PATJ: variants seen among roughly 807,000 people sequenced by gnomAD.
PATJ encodes inaD-like protein.
Under a neutral mutation model 224.9 loss-of-function variants are expected in PATJ, and 190 were observed. The ratio of observed to expected loss-of-function variants is 0.84; its 90% CI spans 0.75 to 0.95. The LOEUF (loss-of-function observed/expected upper bound fraction) is 0.95, where lower values mean the gene tolerates loss of function less well. PATJ is among the 40% of genes least tolerant of loss of function. The pLI, the probability that PATJ is intolerant of heterozygous loss-of-function variation, is 0.00. For missense variants in PATJ, 2,121 were observed against 2,270.3 expected (o/e 0.93, Z 1.34); for synonymous variants, 769 against 820.3 (o/e 0.94, Z 1.07).
Position 61,981,116 on chromosome 1 carries a change from CAG to C in PATJ, c.3671-9048_3671-9047del, listed in dbSNP as rs1000891545. Among the ~76,000 whole-genome samples the C allele has an allele frequency of 2.6e-5, 4 of 151,970 alleles. 1 individual carries two copies. The highest frequency in any genetic ancestry group is 4.8e-5 in the African/African-American group (2 of 41,250). ...TAATCCCGAAGCCTGACTGTGGAGA[CAG>C]AGATAGTGTCCATGTTAGATTAGTC... is the stretch of plus-strand genomic sequence containing the variant. On this transcript the variant is annotated intron_variant, in intron 27 of 43. Transcript: ENST00000642238.
At chr1:62,154,214 TTCAC>T (rs1668924852) in intron 43 of PATJ, among the ~76,000 whole-genome samples, 1 of 152,128 alleles carries the variant, frequency 6.6e-6, no homozygotes, top group African/African-American at 2.4e-5. Context: ...TATTTTTAAC[TTCAC>T]TGATTTTTTT....
At chr1:61,903,731 G>T (rs1386241780) in intron 24 of PATJ, among the ~76,000 whole-genome samples, 3 of 150,654 alleles carry the variant, frequency 2.0e-5, no homozygotes, top group Admixed American at 1.3e-4. Flanking sequence ...TATTAATATT[G>T]GTAACCTTGT....
rs550589987 is a variant in PATJ, at chr1:61,853,242, T to A, written c.2113-2788T>A. Among the ~76,000 whole-genome samples, 17 of 152,294 alleles carry A rather than the reference T, an allele frequency of 1.1e-4. No homozygotes were observed. In the South Asian group the frequency reaches 3.5e-3, roughly 32 times the overall value. The stretch of plus-strand genomic sequence containing the variant: ...TCACCTTTCAAGGGTAGAAGTCTAT[T>A]TCCATTTCCTTCTGGTGAATCGTCC... On this transcript the variant is annotated intron_variant, in intron 17 of 43. Transcript: ENST00000642238.
intron 31 of PATJ, among the ~76,000 whole-genome samples, chr1:62,063,083 G>A (rs1655831908): frequency 6.6e-6 from 1 of 152,068 alleles, no homozygotes; most frequent in African/African-American, 2.4e-5. Flanking sequence ...TCTTTGTGAA[G>A]GCTGATGTAC....
At chr1:61,958,307 C>T (rs1031560844) in intron 27 of PATJ, among the ~76,000 whole-genome samples, 6 of 152,070 alleles carry the variant, frequency 3.9e-5, no homozygotes, top group Admixed American at 3.9e-4. Context: ...AGGTTTTTCC[C>T]TTGCTGTAAA....
At chr1:62,109,332 C>G (rs1663520313) in intron 34 of PATJ, among the ~76,000 whole-genome samples, 1 of 151,046 alleles carries the variant, frequency 6.6e-6, no homozygotes, top group Non-Finnish European at 1.5e-5. Context: ...TTTTATTTTT[C>G]CCTTTGGTGG....
At chr1:61,764,797 A>G (rs1032503422) in intron 3 of PATJ, among the ~76,000 whole-genome samples, 3 of 152,166 alleles carry the variant, frequency 2.0e-5, no homozygotes, top group African/African-American at 4.8e-5. Flanking sequence ...AGCACTGCCT[A>G]TATTGATGTT....
intron 8 of PATJ, among the ~76,000 whole-genome samples, chr1:61,789,432 C>T (rs568207116): frequency 6.6e-6 from 1 of 152,050 alleles, no homozygotes; most frequent in Non-Finnish European, 1.5e-5. Context: ...CCTGAGATGT[C>T]ATTCTGTGTA....
intron 28 of PATJ, among the ~76,000 whole-genome samples, chr1:62,010,228 A>G (rs1378082460): frequency 6.6e-6 from 1 of 151,924 alleles, no homozygotes; most frequent in African/African-American, 2.4e-5. Context: ...TTCTCTGTCC[A>G]TTTCCACCAC....
At chr1:61,930,904 T>C (rs974617737) in intron 27 of PATJ, among the ~76,000 whole-genome samples, 2 of 152,190 alleles carry the variant, frequency 1.3e-5, no homozygotes, top group African/African-American at 2.4e-5. Context: ...TTCTTCTCCA[T>C]GTTGGTCAGG....
Position 61,802,351 on chromosome 1 carries a change from C to T in PATJ, c.1549+582C>T, listed in dbSNP as rs555356834. Among the ~76,000 whole-genome samples, 5 of 152,318 alleles carry T rather than the reference C, an allele frequency of 3.3e-5. No individual in the cohort carries two copies. In the South Asian group the frequency reaches 1.0e-3, roughly 32 times the overall value. On this transcript the variant is annotated intron_variant, in intron 12 of 43. Transcript: ENST00000642238. ...CAAGTGATCTGCCCACCTGGGCCTC[C>T]CAAAGTGTTGGGATTATAGGCGTGA...
At chr1:61,999,592 T>C (rs12564151) in intron 28 of PATJ, among the ~76,000 whole-genome samples, 42,520 of 151,712 alleles carry the variant, frequency 0.28, 6,396 homozygotes, top group East Asian at 0.47. Flanking sequence ...CGTTTGAACC[T>C]AGGAGTTGGA....
intron 40 of PATJ, among the ~76,000 whole-genome samples, 195 bp from the exon 41 acceptor site, chr1:62,128,646 G>C (rs1665966299): frequency 6.6e-6 from 1 of 152,142 alleles, no homozygotes. Flanking sequence ...CCCCCTTCTT[G>C]TTGCTCTGAT....
chr1:62,033,983 T>C (rs1012887266), intron 29 of PATJ, among the ~76,000 whole-genome samples: 4 of 152,154 alleles, frequency 2.6e-5, no homozygotes, highest in African/African-American at 7.2e-5. Flanking sequence ...CATGCAGTGT[T>C]CCGTGCTCTG....
chr1:61,744,099 T>C (rs1015140540), intron 1 of PATJ, among the ~76,000 whole-genome samples: 2 of 152,066 alleles, frequency 1.3e-5, no homozygotes, highest in Non-Finnish European at 2.9e-5. Flanking sequence ...GAGGATCGCT[T>C]GAGGCCAAGA....
In PATJ at chr1:61,884,359, G is replaced by C. The variant is rs762971523; in HGVS notation, c.3082G>C (p.Ala1028Pro). 3.7e-6 allele frequency: 6 copies of C among 1,611,992 alleles called. No individual in the cohort carries two copies. The highest frequency in any genetic ancestry group is 2.5e-6 in the Non-Finnish European group (3 of 1,179,398). Residue 1028 changes from alanine to proline, a missense_variant, in exon 22 of 44, where the codon GCC (alanine) becomes CCC (proline). Ala to Pro is a conservative substitution (Grantham distance 27, BLOSUM62 -1). Coordinates refer to ENST00000642238, the MANE Select transcript of PATJ (RefSeq NM_001350145.3). The stretch of plus-strand genomic sequence containing the variant: ...CCAAGCGACACGAGTTATTTCCAAG[G>C]CCTCAGCATACACAGGAATGTTGTC... ...QHQATRVISKASAYTGMLSSR... is the reference protein window; with the variant it reads ...QHQATRVISKPSAYTGMLSSR...
At chr1:61,814,098 A>G (rs372468317) in intron 14 of PATJ, among the ~76,000 whole-genome samples, 2 of 151,730 alleles carry the variant, frequency 1.3e-5, no homozygotes, top group African/African-American at 4.8e-5. Flanking sequence ...CACTAGAAGA[A>G]AAAGAGTCAC....
chr1:62,028,165 G>T (rs72915880), intron 29 of PATJ, among the ~76,000 whole-genome samples: 9,793 of 152,066 alleles, frequency 0.064, 641 homozygotes, highest in East Asian at 0.31. Flanking sequence ...TTCATATATG[G>T]TATAAAGGAA....
intron 27 of PATJ, among the ~76,000 whole-genome samples, chr1:61,949,152 T>C (rs138671110): frequency 1.3e-5 from 2 of 151,746 alleles, no homozygotes; most frequent in East Asian, 1.9e-4. Flanking sequence ...ACATGACACA[T>C]GTATATATAC....
Sources: gnomAD v4.1 joint callset for allele counts (sites outside exome capture counted in the v4.1 genomes callset) on GRCh38, gnomAD v4.1.1 for gene constraint, MANE v1.5 for transcripts, NCBI Gene and HGNC (gene_info 2026-07-23, HGNC 2026-07-21) for gene names.